The following LRGUK variants were observed in gnomAD, a reference collection of about 807,000 sequenced individuals.
LRGUK encodes leucine rich repeats and guanylate kinase domain containing, also known as leucine-rich repeat and guanylate kinase domain-containing protein.
A neutral mutation model predicts 76.0 loss-of-function variants in LRGUK; 65 were observed. That is an observed-to-expected ratio of 0.85 (90% CI 0.70 to 1.05). The LOEUF (loss-of-function observed/expected upper bound fraction) is 1.05, where lower values mean the gene tolerates loss of function less well. Ranked by LOEUF, LRGUK falls within the 50% of genes least tolerant of loss-of-function variation. The pLI, the probability that LRGUK is intolerant of heterozygous loss-of-function variation, is 0.00. For missense variants in LRGUK, 758 were observed against 732.8 expected, an observed-to-expected ratio of 1.03 and a Z score of -0.40; for synonymous variants, 268 against 265.6, an observed-to-expected ratio of 1.01 and a Z score of -0.09.
chr7:134,177,092 T>C (rs760938479), intron 9 of LRGUK, 29 bp downstream of exon 9: 10 of 1,410,116 alleles, frequency 7.1e-6, no homozygotes, highest in Non-Finnish European at 8.9e-6. Context: ...ACATTACCAT[T>C]GTGTTATTGG....
intron 16 of LRGUK, among the ~76,000 whole-genome samples, chr7:134,236,946 A>G (rs1420250239): frequency 6.6e-6 from 1 of 151,946 alleles, no homozygotes; most frequent in African/African-American, 2.4e-5. Context: ...TTGTAATTCT[A>G]TCATTTCATT....
chr7:134,173,665 T>C (rs1156579286), intron 7 of LRGUK, among the ~76,000 whole-genome samples: 1 of 152,126 alleles, frequency 6.6e-6, no homozygotes, highest in African/African-American at 2.4e-5. Context: ...ACACAACCTA[T>C]ACAGAAAAGT....
intron 16 of LRGUK, among the ~76,000 whole-genome samples, chr7:134,228,593 A>G (rs1801817639): frequency 6.6e-6 from 1 of 152,202 alleles, no homozygotes; most frequent in Non-Finnish European, 1.5e-5. Flanking sequence ...ACATCTATAA[A>G]TGGTAAAGAT....
At chr7:134,236,484 T>C (rs1802020184) in intron 16 of LRGUK, among the ~76,000 whole-genome samples, 1 of 152,196 alleles carries the variant, frequency 6.6e-6, no homozygotes, top group African/African-American at 2.4e-5. Flanking sequence ...ACAATTTGGG[T>C]TTTGCCAGTT....
intron 18 of LRGUK, among the ~76,000 whole-genome samples, chr7:134,256,581 G>A (rs1018110901): frequency 1.3e-5 from 2 of 151,590 alleles, no homozygotes; most frequent in African/African-American, 4.9e-5. Context: ...CCATTAAGTT[G>A]GAGAAGAGAA....
At chr7:134,230,644 C>T (rs1054653296) in intron 16 of LRGUK, among the ~76,000 whole-genome samples, 1 of 152,130 alleles carries the variant, frequency 6.6e-6, no homozygotes, top group Non-Finnish European at 1.5e-5. Flanking sequence ...TAATAAAATA[C>T]GTACAGTAAT....
intron 7 of LRGUK, among the ~76,000 whole-genome samples, chr7:134,164,186 T>C (rs978970764): frequency 6.6e-6 from 1 of 152,214 alleles, no homozygotes; most frequent in Non-Finnish European, 1.5e-5. Context: ...ACATGATGAT[T>C]TGATGAATTT....
chr7:134,153,463 T>C (rs1314584937), intron 5 of LRGUK, among the ~76,000 whole-genome samples: 1 of 152,170 alleles, frequency 6.6e-6, no homozygotes. Flanking sequence ...CCTGTAAACA[T>C]TGACTAGTTG....
chr7:134,157,919 A>T lies in LRGUK; in HGVS notation c.671-116A>T. On this transcript the variant is annotated intron_variant, in intron 5 of 15. Transcript: ENST00000645682. ...AATACTCATCCTATATTGGGCATAT[A>T]ATCGTTCTTTATTTAAGCTGTGGTC... 4.0e-6 allele frequency: 3 copies of T among 749,126 alleles called. No homozygotes were observed. The South Asian group carries it at 6.4e-5, about 16-fold the overall frequency. The allele number at this position is 749,126 out of a possible 1,614,324, so 46.4% of individuals were successfully genotyped here. A position where few individuals can be genotyped will look rare whatever the true frequency, so the allele number is the denominator to read the frequency against.
intron 6 of LRGUK, among the ~76,000 whole-genome samples, chr7:134,159,924 T>G (rs1220422231): frequency 1.3e-5 from 2 of 152,256 alleles, no homozygotes; most frequent in Non-Finnish European, 2.9e-5. Context: ...TCTTTCATGT[T>G]TTCCGCCCAT....
chr7:134,158,573 A>G (rs1479365493), intron 6 of LRGUK, among the ~76,000 whole-genome samples: 2 of 152,192 alleles, frequency 1.3e-5, no homozygotes, highest in Admixed American at 6.5e-5. Context: ...GAACCACAAG[A>G]TGTTTTCTGG....
At chr7:134,260,707 T>A (rs1802700243) in intron 19 of LRGUK, among the ~76,000 whole-genome samples, 1 of 152,140 alleles carries the variant, frequency 6.6e-6, no homozygotes, top group Non-Finnish European at 1.5e-5. Context: ...AGCTGTTCTA[T>A]CGTATCCCTC....
intron 18 of LRGUK, among the ~76,000 whole-genome samples, chr7:134,254,688 C>T (rs1802531136): frequency 1.3e-5 from 2 of 152,158 alleles, no homozygotes; most frequent in South Asian, 2.1e-4. Context: ...GGGATGCAAA[C>T]ATTCAGACCC....
chr7:134,199,948 A>G (rs1800679436), intron 14 of LRGUK, among the ~76,000 whole-genome samples: 1 of 143,224 alleles, frequency 7.0e-6, no homozygotes, highest in Admixed American at 7.1e-5. Flanking sequence ...ATTTTTACAC[A>G]TATAAAATTT....
chr7:134,221,839 T>G (rs1801603564), exon 16 of LRGUK: 14 of 1,604,260 alleles, frequency 8.7e-6, no homozygotes, highest in Non-Finnish European at 1.2e-5. Context: ...TCTTCGAATA[T>G]GGGTGATTTC....
rs367837475 is a variant in LRGUK, at chr7:134,196,254, G to GA, written c.1432-732dup. Among the ~76,000 whole-genome samples, 14 of 151,868 alleles carry GA rather than the reference G, an allele frequency of 9.2e-5. No individual in the cohort carries two copies. The South Asian group carries it at 2.3e-3, about 25-fold the overall frequency. ...GTTTAATGAATATAGTATTGCCAAAGAAAAAATCACAGACAATTTTAAGAG... is the reference window on the plus strand; with the variant it reads ...GTTTAATGAATATAGTATTGCCAAAGAAAAAAATCACAGACAATTTTAAGAG... On this transcript the variant is annotated intron_variant, in intron 12 of 15. Coordinates refer to ENST00000645682, the Ensembl canonical transcript of LRGUK.
intron 11 of LRGUK, among the ~76,000 whole-genome samples, chr7:134,190,949 G>GGGGATAGACAGTAGTTGA (rs1800214638): frequency 6.6e-6 from 1 of 151,544 alleles, no homozygotes; most frequent in Non-Finnish European, 1.5e-5. Context: ...TGAGCGGTGT[G>GGGGATAGACAGTAGTTGA]GTGGGATGGG....
At chr7:134,209,121 C>T (rs909531978) in exon 16 of LRGUK, 1 of 399,240 alleles carries the variant, frequency 2.5e-6, no homozygotes, top group Non-Finnish European at 4.4e-6. Flanking sequence ...ATCACCCCGA[C>T]CCTGGTGCCT....
chr7:134,262,834 G>C (rs1185342025), intron 19 of LRGUK, among the ~76,000 whole-genome samples: 1 of 151,928 alleles, frequency 6.6e-6, no homozygotes, highest in Non-Finnish European at 1.5e-5. Context: ...CAGATGTGGT[G>C]GTGGCATATG....
Sources: allele counts gnomAD v4.1 joint callset (sites outside exome capture counted in the v4.1 genomes callset), GRCh38; gene constraint gnomAD v4.1.1; transcripts MANE v1.5; gene names NCBI Gene and HGNC (gene_info 2026-07-23, HGNC 2026-07-21).